Variants in MMUT observed in about 807,000 individuals in gnomAD.
The protein encoded by MMUT is methylmalonyl-CoA mutase, also known as methylmalonyl-CoA mutase, mitochondrial.
A neutral mutation model predicts 79.9 loss-of-function variants in MMUT; 79 were observed. The observed-to-expected ratio is 0.99, with a 90% CI of 0.82 to 1.19. The LOEUF (loss-of-function observed/expected upper bound fraction) is 1.19, where lower values mean the gene tolerates loss of function less well. Among genes scored for constraint, MMUT ranks in the 50% most tolerant of loss-of-function variants. MMUT has a pLI of 0.00. For missense variants in MMUT, 860 were observed against 917.2 expected (o/e 0.94, Z 0.81); for synonymous variants, 273 against 295.7 (o/e 0.92, Z 0.79).
At chr6:49,453,474 A>C (rs1433832607) in intron 5 of MMUT, 111 bp downstream of exon 5, 1 of 461,452 alleles carries the variant, frequency 2.2e-6, no homozygotes, top group African/African-American at 2.0e-5. Context: ...TTATCATTTC[A>C]AATATTAACA....
chr6:49,450,277 T>C (rs747312218), intron 6 of MMUT, among the ~76,000 whole-genome samples: 2 of 150,230 alleles, frequency 1.3e-5, no homozygotes, highest in Non-Finnish European at 3.0e-5. Context: ...CAGGATATTA[T>C]TTAAGGAGGT....
intron 4 of MMUT, among the ~76,000 whole-genome samples, chr6:49,455,037 T>A (rs905081120): frequency 6.6e-6 from 1 of 151,996 alleles, no homozygotes; most frequent in Admixed American, 6.6e-5. Context: ...CAGAGCAAGA[T>A]CCTATCTCAA....
At position 49,441,805 on chromosome 6, in the gene MMUT, G is replaced by A. The variant is rs147426616; in HGVS notation, c.1808+35C>T. The stretch of plus-strand genomic sequence containing the variant: ...TCAAGGGGATTGTGCTAACAGAAAA[G>A]ATGAAATTCTGGCCTAAGAAACCTT... On this transcript the variant is annotated intron_variant, in intron 10 of 12. Transcript: ENST00000274813. 6.7e-4 allele frequency: 1,066 copies of A among 1,602,698 alleles called. 2 individuals are homozygous for A. The highest frequency in any genetic ancestry group is 8.1e-4 in the Non-Finnish European group (956 of 1,173,266).
intron 11 of MMUT, among the ~76,000 whole-genome samples, chr6:49,439,699 C>T (rs1172580126): frequency 6.6e-6 from 1 of 152,178 alleles, no homozygotes; most frequent in East Asian, 1.9e-4. Context: ...ATTTATCCTT[C>T]TAAGATTATC....
intron 5 of MMUT, 47 bp from the exon 6 acceptor site, chr6:49,451,761 A>G (rs1399555083): frequency 6.3e-7 from 1 of 1,575,632 alleles, no homozygotes; most frequent in Non-Finnish European, 8.7e-7. Context: ...CAGGTGATAG[A>G]TATTGCAACT....
chr6:49,457,989 C>T lies in MMUT; in HGVS notation c.455G>A (p.Arg152Gln), dbSNP rs758095905. 13 of 1,606,772 alleles carry T rather than the reference C, an allele frequency of 8.1e-6. No homozygotes were observed. Among genetic ancestry groups the T allele is most frequent in the Middle Eastern group, 1.6e-4 (1 of 6,062 alleles). Residue 152 changes from arginine (R) to glutamine (Q), a missense_variant, in exon 3 of 13, where the codon CGA (arginine) becomes CAA (glutamine). By Grantham distance (43) the Arg-to-Gln change is conservative. Coordinates refer to ENST00000274813, the MANE Select transcript of MMUT (RefSeq NM_000255.4). ...AGCCATTCCAACATCACCACGAACT[C>T]GAGGGTTGTCTGAATCATAGCCACG... ...THRGYDSDNP[R>Q]VRGDVGMAGV...
At chr6:49,446,984 G>C (rs1025416137) in intron 8 of MMUT, among the ~76,000 whole-genome samples, 4 of 151,776 alleles carry the variant, frequency 2.6e-5, no homozygotes, top group Non-Finnish European at 4.4e-5. Context: ...CAAAGATTAA[G>C]AGGCCAAAGT....
At chr6:49,433,415 G>A (rs9463481) in intron 12 of MMUT, among the ~76,000 whole-genome samples, 1 of 152,172 alleles carries the variant, frequency 6.6e-6, no homozygotes, top group Non-Finnish European at 1.5e-5. Context: ...ATACCTTTGT[G>A]AGGGGGTTGT....
rs1334604838 is a variant in MMUT at position 49,457,740 on chromosome 6, G to A, written c.704C>T (p.Pro235Leu). Residue 235 changes from proline to leucine, a missense_variant, in exon 3 of 13, where the codon CCA (proline) becomes CTA (leucine). Coordinates refer to ENST00000274813, the MANE Select transcript of MMUT (RefSeq NM_000255.4). ...FMVRNTYIFP[P>L]EPSMKIIADI... Reference sequence around the variant, plus strand: ...AGCAATAATTTTCATGGATGGTTCTGGAGGAAAAATGTATGTATTTCGAAC... The same window carrying A: ...AGCAATAATTTTCATGGATGGTTCTAGAGGAAAAATGTATGTATTTCGAAC... The A allele has an allele frequency of 6.2e-7, 1 of 1,612,242 alleles. No individual in the cohort carries two copies. Among genetic ancestry groups the A allele is most frequent in the South Asian group, 1.1e-5 (1 of 90,896 alleles).
At position 49,453,668 on chromosome 6, in the gene MMUT, C is replaced by T. The variant is rs757209646; in HGVS notation, c.1000G>A (p.Glu334Lys). Residue 334 changes from glutamate (E) to lysine (K), a missense_variant, in exon 5 of 13, where the codon GAG becomes AAG. Transcript: ENST00000274813. ...AGRRLWAHLI[E>K]KMFQPKNSKS... Reference sequence around the variant, plus strand: ...GAGTTTTTAGGCTGAAACATTTTCTCTATTAAGTGAGCCCAGAGTCTTCTA... The same window carrying T: ...GAGTTTTTAGGCTGAAACATTTTCTTTATTAAGTGAGCCCAGAGTCTTCTA... The T allele has an allele frequency of 2.4e-5, 39 of 1,613,066 alleles. No individual in the cohort carries two copies. The highest frequency in any genetic ancestry group is 3.3e-5 in the Non-Finnish European group (39 of 1,179,456).
chr6:49,430,973 G>A lies in MMUT; in HGVS notation c.*755C>T, dbSNP rs1766957987. 6.6e-6 allele frequency: 1 copy of A among 152,088 alleles called. No homozygotes were observed. The highest frequency in any genetic ancestry group is 6.6e-5 in the Admixed American group (1 of 15,264). The allele number at this position is 152,088 out of a possible 1,614,324, so 9.4% of individuals were successfully genotyped here. A position where few individuals can be genotyped will look rare whatever the true frequency, so the allele number is the denominator to read the frequency against. The stretch of plus-strand genomic sequence containing the variant: ...AAAGTTGAATTCTTTCTATATCACA[G>A]ACCTACACTCACAGTTGACATCACC... On this transcript the variant is annotated 3_prime_UTR_variant, in exon 13 of 13. Transcript: ENST00000274813.
Position 49,431,858 on chromosome 6 carries a change from T to C in MMUT, c.2125-2A>G, listed in dbSNP as rs1561948924. ...AACTTCAAACAGAAATTCATAATCC[T>C]GTTGAAAGAATGTGTTTAATTAATA... On this transcript the variant is annotated splice_acceptor_variant, in intron 12 of 12. Coordinates refer to ENST00000274813, the MANE Select transcript of MMUT (RefSeq NM_000255.4). LOFTEE classifies it high-confidence loss of function. The C allele has an allele frequency of 6.2e-7, 1 of 1,613,190 alleles. No individual in the cohort carries two copies. The highest frequency in any genetic ancestry group is 8.5e-7 in the Non-Finnish European group (1 of 1,179,210).
Position 49,435,552 on chromosome 6 carries a change from A to G in MMUT, c.2028T>C (p.Ala676=). Residue 676 remains alanine, a synonymous_variant, in exon 12 of 13, where the codon GCT becomes GCC. Transcript: ENST00000274813. The stretch of plus-strand genomic sequence containing the variant: ...GTTCAGGAACTAGGGTTTTATGACC[A>G]GCAGCGAGGGTGCTTATGCCCACAG... ...VHAVGISTLA[A]GHKTLVPELI... 1 of 1,614,162 alleles carries G rather than the reference A, an allele frequency of 6.2e-7. No homozygotes were observed. The highest frequency in any genetic ancestry group is 8.5e-7 in the Non-Finnish European group (1 of 1,180,020).
At chr6:49,432,799 T>C (rs891047051) in intron 12 of MMUT, among the ~76,000 whole-genome samples, 74 of 152,264 alleles carry the variant, frequency 4.9e-4, no homozygotes, top group African/African-American at 1.7e-3. Flanking sequence ...GCAATATCGA[T>C]TGATGTTAGG....
Position 49,431,839 on chromosome 6 carries a change from A to C in MMUT, c.2142T>G (p.Phe714Leu). ...CAAATACATTGGAAACACCAACTTC[A>C]AACAGAAATTCATAATCCTGTTGAA... ...VIPPQDYEFL[F>L]EVGVSNVFGP... The change falls in exon 13 of 13, where the codon TTT (phenylalanine) becomes TTG (leucine). Residue 714 changes from phenylalanine to leucine, a missense_variant. Physicochemically the swap from Phe to Leu is conservative, Grantham distance 22. Transcript: ENST00000274813. 1 of 1,613,694 alleles carries C rather than the reference A, an allele frequency of 6.2e-7. No individual in the cohort carries two copies.
rs1193664526 is a variant in MMUT at position 49,430,595 on chromosome 6, A to G, written c.*1133T>C. On this transcript the variant is annotated 3_prime_UTR_variant, in exon 13 of 13. Transcript: ENST00000274813. ...TGAAAATTAAATACATTGTATTACA[A>G]TGAGTTTGTAAATTCTACAGTAATG... The G allele has an allele frequency of 6.8e-6, 1 of 147,688 alleles. No individual in the cohort carries two copies. 9.1% of individuals were successfully genotyped at this position (147,688 alleles called of 1,614,324 possible).
In MMUT at chr6:49,459,187, C is replaced by T. The variant is rs727504022; in HGVS notation, c.280G>A (p.Gly94Arg). The T allele has an allele frequency of 5.6e-6, 9 of 1,614,116 alleles. No individual in the cohort carries two copies. In the Admixed American group the frequency reaches 1.5e-4, roughly 27 times the overall value. ...ELPGVKPFTRGPYPTMYTFRP... is the reference protein window; with the variant it reads ...ELPGVKPFTRRPYPTMYTFRP... ...AAGGTATACATGGTAGGATATGGTCCACGTGTGAATGGCTTCACTCCTGGA... is the reference window on the plus strand; with the variant it reads ...AAGGTATACATGGTAGGATATGGTCTACGTGTGAATGGCTTCACTCCTGGA... Residue 94 changes from glycine (G) to arginine (R), a missense_variant, in exon 2 of 13, where the codon GGA (glycine) becomes AGA (arginine). Physicochemically the swap from Gly to Arg is moderately radical, Grantham distance 125. Coordinates refer to ENST00000274813, the MANE Select transcript of MMUT (RefSeq NM_000255.4).
chr6:49,447,510 A>G (rs1206936608), intron 8 of MMUT, among the ~76,000 whole-genome samples, 160 bp downstream of exon 8: 2 of 151,808 alleles, frequency 1.3e-5, no homozygotes, highest in Admixed American at 1.3e-4. Context: ...CAAGTTTCTC[A>G]ATGCCTTATC....
chr6:49,432,215 T>G (rs1274267031), intron 12 of MMUT, among the ~76,000 whole-genome samples: 1 of 152,168 alleles, frequency 6.6e-6, no homozygotes, highest in African/African-American at 2.4e-5. Flanking sequence ...TTTAGTATGA[T>G]GTGATAAGTT....
Sources: gnomAD v4.1 joint callset for allele counts (sites outside exome capture counted in the v4.1 genomes callset) on GRCh38, gnomAD v4.1.1 for gene constraint, MANE v1.5 for transcripts, NCBI Gene and HGNC (gene_info 2026-07-23, HGNC 2026-07-21) for gene names.